ALX1: variants seen among roughly 807,000 people sequenced by gnomAD.
The protein encoded by ALX1 is ALX homeobox 1, also known as ALX homeobox protein 1.
Under a neutral mutation model 31.7 loss-of-function variants are expected in ALX1, and 19 were observed. The observed-to-expected ratio is 0.60, with a 90% CI of 0.42 to 0.88. ALX1 has a LOEUF of 0.88. Ranked by LOEUF, ALX1 falls within the 40% of genes least tolerant of loss-of-function variation. The pLI, the probability that ALX1 is intolerant of heterozygous loss-of-function variation, is 0.00. For synonymous variants in ALX1, 153 were observed against 148.8 expected (o/e 1.03, Z -0.20); for missense variants, 415 against 407.8 (o/e 1.02, Z -0.15).
intron 3 of ALX1, among the ~76,000 whole-genome samples, chr12:85,288,291 C>T (rs1896775019): frequency 1.3e-5 from 2 of 151,436 alleles, no homozygotes; most frequent in Admixed American, 6.6e-5. Context: ...TTATGGATAC[C>T]TTTTCAATAA....
chr12:85,285,665 T>G (rs1896738456), intron 2 of ALX1, among the ~76,000 whole-genome samples: 1 of 151,998 alleles, frequency 6.6e-6, no homozygotes, highest in African/African-American at 2.4e-5. Flanking sequence ...TATACAAGAT[T>G]AGAATTGAGT....
chr12:85,300,957 G>A (rs1411772579), intron 3 of ALX1, among the ~76,000 whole-genome samples, 198 bp from the exon 4 acceptor site: 1 of 152,034 alleles, frequency 6.6e-6, no homozygotes, highest in Non-Finnish European at 1.5e-5. Flanking sequence ...TGTGAGATTT[G>A]TTGCTCTATT....
chr12:85,280,378 C>A lies in ALX1; in HGVS notation c.117C>A (p.Ser39=). 3 of 1,613,904 alleles carry A rather than the reference C, an allele frequency of 1.9e-6. No homozygotes were observed. The highest frequency in any genetic ancestry group is 2.5e-6 in the Non-Finnish European group (3 of 1,180,032). The change falls in exon 1 of 4, where the codon TCC becomes TCA. Residue 39 remains serine (S), a synonymous_variant. Transcript: ENST00000316824. ...TTATGGAGACGCTGGACAATGAGTC[C>A]TTTTACAGCAAAGCGTCTGCAGGCA... is the stretch of plus-strand genomic sequence containing the variant. The part of the protein sequence containing the change: ...EHVMETLDNE[S]FYSKASAGKC...
chr12:85,288,586 G>A (rs1243234588), intron 3 of ALX1, among the ~76,000 whole-genome samples: 1 of 151,502 alleles, frequency 6.6e-6, no homozygotes, highest in Non-Finnish European at 1.5e-5. Flanking sequence ...TGTCTTCATG[G>A]TTATTAACAC....
intron 3 of ALX1, among the ~76,000 whole-genome samples, chr12:85,288,306 C>T (rs565722996): frequency 6.6e-6 from 1 of 151,580 alleles, no homozygotes; most frequent in African/African-American, 2.4e-5. Context: ...CAATAAATGC[C>T]TCCTATCTCC....
intron 3 of ALX1, among the ~76,000 whole-genome samples, chr12:85,289,251 C>G (rs550767081): frequency 6.0e-4 from 91 of 151,236 alleles, no homozygotes; most frequent in Middle Eastern, 3.4e-3. Context: ...AGTGCATATT[C>G]TGAATCTAAA....
intron 3 of ALX1, among the ~76,000 whole-genome samples, chr12:85,293,422 A>G (rs1896845846): frequency 6.6e-6 from 1 of 150,480 alleles, no homozygotes; most frequent in Non-Finnish European, 1.5e-5. Flanking sequence ...AAAAAATTTT[A>G]ATAAAAATGA....
chr12:85,301,227 A>G lies in ALX1; in HGVS notation c.733A>G (p.Thr245Ala), dbSNP rs757672381. ...VVTSCMLPRD[T>A]SSCMTPYSHS... ...TACTTCATGCATGTTACCACGTGAC[A>G]CTTCCTCCTGTATGACACCTTATTC... is the stretch of plus-strand genomic sequence containing the variant. The change falls in exon 4 of 4, where the codon ACT becomes GCT. Residue 245 changes from threonine to alanine, a missense_variant. Around this residue, in one of 3 missense-constraint regions of ALX1, gnomAD observed 174 missense variants for 177.5 expected, o/e 0.98. Coordinates refer to ENST00000316824, the MANE Select transcript of ALX1 (RefSeq NM_006982.3). 6.2e-7 allele frequency: 1 copy of G among 1,614,070 alleles called. No individual in the cohort carries two copies. The highest frequency in any genetic ancestry group is 8.5e-7 in the Non-Finnish European group (1 of 1,179,970).
chr12:85,291,354 C>A (rs80159933), intron 3 of ALX1, among the ~76,000 whole-genome samples: 10 of 151,170 alleles, frequency 6.6e-5, no homozygotes, highest in Middle Eastern at 3.4e-3. Context: ...AATTTGCAAA[C>A]ACTTCTTGGT....
At chr12:85,287,074 T>C (rs542576121) in intron 3 of ALX1, 93 bp downstream of exon 3, 1 of 1,422,810 alleles carries the variant, frequency 7.0e-7, no homozygotes, top group East Asian at 2.3e-5. Context: ...ATATGTAAGA[T>C]AATAGCCAAG....
rs374479729 is a variant in ALX1, at chr12:85,301,121, G to A, written c.661-34G>A. On this transcript the variant is annotated intron_variant, in intron 3 of 3. Transcript: ENST00000316824. ...AGTAAGAGAACAAAAGTGAGAACAT[G>A]TAAATGTAATATTTGTTGTTTTATA... The A allele has an allele frequency of 5.4e-5, 87 of 1,609,224 alleles. No individual in the cohort carries two copies. In the African/African-American group the frequency reaches 9.4e-4, roughly 17 times the overall value.
Position 85,301,451 on chromosome 12 carries a change from C to T in ALX1, c.957C>T (p.Thr319=), listed in dbSNP as rs778589959. The T allele has an allele frequency of 1.1e-5, 18 of 1,613,806 alleles. No individual in the cohort carries two copies. The highest frequency in any genetic ancestry group is 8.8e-5 in the South Asian group (8 of 91,076). Residue 319 remains threonine (T), a synonymous_variant, in exon 4 of 4, where the codon ACC becomes ACT. Coordinates refer to ENST00000316824, the MANE Select transcript of ALX1 (RefSeq NM_006982.3). ...TTCGAATGAAAGCCAAGGAGCACAC[C>T]GCCAATATTTCATGGGCCATGTAAC... ...AVLRMKAKEH[T]ANISWAM is the part of the protein sequence containing the mutation.
chr12:85,295,406 T>C (rs1430264835), intron 3 of ALX1, among the ~76,000 whole-genome samples: 4 of 151,610 alleles, frequency 2.6e-5, no homozygotes, highest in African/African-American at 9.7e-5. Context: ...AAAATTTAGC[T>C]GTTTTCCCAG....
chr12:85,281,892 A>C (rs1896678653), intron 1 of ALX1, among the ~76,000 whole-genome samples: 1 of 152,212 alleles, frequency 6.6e-6, no homozygotes. Context: ...CTCTGGATGG[A>C]CTTGATCATA....
At chr12:85,298,704 C>A (rs1593053936) in intron 3 of ALX1, among the ~76,000 whole-genome samples, 1 of 151,846 alleles carries the variant, frequency 6.6e-6, no homozygotes, top group East Asian at 1.9e-4. Context: ...GGTATCTTCA[C>A]AAGCCCAACT....
At chr12:85,287,195 G>T (rs1333155520) in intron 3 of ALX1, among the ~76,000 whole-genome samples, 2 of 151,224 alleles carry the variant, frequency 1.3e-5, no homozygotes, top group South Asian at 4.2e-4. Context: ...AATATTTCAG[G>T]GTATTTTTTT....
chr12:85,292,880 T>G (rs1404595817), intron 3 of ALX1, among the ~76,000 whole-genome samples: 1 of 150,882 alleles, frequency 6.6e-6, no homozygotes, highest in African/African-American at 2.4e-5. Flanking sequence ...AAAATATAAT[T>G]TTGTCACTAT....
At position 85,301,142 on chromosome 12, in the gene ALX1, T is replaced by G; in HGVS notation, c.661-13T>G. 6.2e-7 allele frequency: 1 copy of G among 1,613,548 alleles called. No homozygotes were observed. The highest frequency in any genetic ancestry group is 8.5e-7 in the Non-Finnish European group (1 of 1,179,530). Reference sequence around the variant, plus strand: ...ACATGTAAATGTAATATTTGTTGTTTTATATATTCCAGATTCAGAACAATT... The same window carrying G: ...ACATGTAAATGTAATATTTGTTGTTGTATATATTCCAGATTCAGAACAATT... On this transcript the variant is annotated splice_polypyrimidine_tract_variant and intron_variant, in intron 3 of 3. Coordinates refer to ENST00000316824, the MANE Select transcript of ALX1 (RefSeq NM_006982.3).
intron 2 of ALX1, among the ~76,000 whole-genome samples, chr12:85,284,796 G>T (rs1182273611): frequency 6.6e-6 from 1 of 152,046 alleles, no homozygotes; most frequent in African/African-American, 2.4e-5. Flanking sequence ...CTTTGTGTGT[G>T]TTCTGACTCC....
Sources: allele counts gnomAD v4.1 joint callset (sites outside exome capture counted in the v4.1 genomes callset), GRCh38; gene constraint gnomAD v4.1.1; regional missense constraint gnomAD v4.1.1; transcripts MANE v1.5; gene names NCBI Gene and HGNC (gene_info 2026-07-23, HGNC 2026-07-21).